KAZN: variants seen among roughly 807,000 people sequenced by gnomAD.
KAZN encodes kazrin, periplakin interacting protein, also known as kazrin.
In KAZN, 40 loss-of-function variants were observed where a neutral mutation model predicts 87.4. The observed-to-expected ratio is 0.46, with a 90% CI of 0.36 to 0.60. The LOEUF (loss-of-function observed/expected upper bound fraction) is 0.60, where lower values mean the gene tolerates loss of function less well. Among genes scored for constraint, KAZN ranks in the 20% least tolerant of loss-of-function variants. KAZN has a pLI of 0.00. For synonymous variants in KAZN, 466 were observed against 458.3 expected (o/e 1.02, Z -0.22); for missense variants, 898 against 1,073.9 (o/e 0.84, Z 2.29).
intron 1 of KAZN, among the ~76,000 whole-genome samples, chr1:14,902,277 G>A (rs1484758077): frequency 2.0e-5 from 3 of 151,446 alleles, no homozygotes; most frequent in African/African-American, 7.3e-5. Context: ...CCAGGCTGGA[G>A]TGCAGTGGCT....
At chr1:14,680,553 C>T (rs1472186568) in intron 1 of KAZN, among the ~76,000 whole-genome samples, 2 of 152,058 alleles carry the variant, frequency 1.3e-5, no homozygotes, top group Non-Finnish European at 2.9e-5. Flanking sequence ...CCCATCAACC[C>T]GTCACCTAGG....
chr1:15,018,122 A>G (rs1670311431), intron 2 of KAZN, among the ~76,000 whole-genome samples: 1 of 151,986 alleles, frequency 6.6e-6, no homozygotes, highest in Non-Finnish European at 1.5e-5. Context: ...GACAAATCCA[A>G]GTCTATCTCA....
chr1:14,612,235 A>C (rs1217897556), intron 1 of KAZN, among the ~76,000 whole-genome samples: 2 of 152,156 alleles, frequency 1.3e-5, no homozygotes, highest in African/African-American at 4.8e-5. Context: ...GAGAGGAGAC[A>C]CTTGCTGCCG....
intron 2 of KAZN, among the ~76,000 whole-genome samples, chr1:14,557,629 G>GTGTGTGTGT (rs1673971745): frequency 1.5e-5 from 2 of 137,880 alleles, no homozygotes; most frequent in Non-Finnish European, 1.6e-5. Context: ...GGTGTGTGTG[G>GTGTGTGTGT]GTGTGTGTGT....
intron 1 of KAZN, among the ~76,000 whole-genome samples, chr1:14,118,403 A>G (rs1644676959): frequency 6.6e-6 from 1 of 152,178 alleles, no homozygotes; most frequent in African/African-American, 2.4e-5. Context: ...TTTGATAGTT[A>G]TTCTCAAGAT....
chr1:14,958,717 C>G (rs575955545), intron 1 of KAZN, among the ~76,000 whole-genome samples: 36 of 152,344 alleles, frequency 2.4e-4, no homozygotes, highest in African/African-American at 8.2e-4. Context: ...AATACACATC[C>G]CCTTTTACCA....
At chr1:14,133,837 C>A (rs7542148) in intron 1 of KAZN, among the ~76,000 whole-genome samples, 87,145 of 151,954 alleles carry the variant, frequency 0.57, 26,285 homozygotes, top group East Asian at 0.76. Flanking sequence ...CAGCCATGTG[C>A]AGACTGAGGA....
At position 14,856,748 on chromosome 1, in the gene KAZN, T is replaced by C. The variant is rs76336188; in HGVS notation, c.227-103936T>C. ...TTATTCTCAAGGACAATGGCCATTATGTCCATTCTTCCAGGATAAAGATGA... is the reference window on the plus strand; with the variant it reads ...TTATTCTCAAGGACAATGGCCATTACGTCCATTCTTCCAGGATAAAGATGA... On this transcript the variant is annotated intron_variant, in intron 1 of 14. Transcript: ENST00000376030. The surrounding 1 kb of genome is among the most constrained non-coding windows in gnomAD (Gnocchi z 5.2). Among the ~76,000 whole-genome samples, 2,225 of 152,328 alleles carry C rather than the reference T, an allele frequency of 0.015. 52 individuals are homozygous for C. Among genetic ancestry groups the C allele is most frequent in the African/African-American group, 0.051 (2,108 of 41,568 alleles).
intron 8 of KAZN, among the ~76,000 whole-genome samples, chr1:15,079,152 G>T (rs946896986): frequency 2.6e-5 from 4 of 152,200 alleles, no homozygotes; most frequent in African/African-American, 9.6e-5. Flanking sequence ...TTCCTGTCCC[G>T]GTGTGCAAAT....
At chr1:14,179,173 C>T (rs1034947135) in intron 1 of KAZN, among the ~76,000 whole-genome samples, 2 of 152,068 alleles carry the variant, frequency 1.3e-5, no homozygotes, top group Non-Finnish European at 2.9e-5. Flanking sequence ...AACCCCTTTG[C>T]AGATCTTTGG....
intron 2 of KAZN, among the ~76,000 whole-genome samples, chr1:14,419,978 C>T (rs930871794): frequency 3.3e-5 from 5 of 152,166 alleles, no homozygotes; most frequent in East Asian, 3.9e-4. Flanking sequence ...ATTGCCACTC[C>T]CGGCTCCGGC....
At position 14,118,871 on chromosome 1, in the gene KAZN, T is replaced by C. The variant is rs965575208; in HGVS notation, c.92-61564T>C. On this transcript the variant is annotated intron_variant, in intron 1 of 16. Coordinates refer to the KAZN transcript ENST00000636203. ...TGCTGACCAAACATCTGAGCTGTAA[T>C]TTGACTCAAAACTGCCAAGGGTTTT... Among the ~76,000 whole-genome samples the C allele has an allele frequency of 9.2e-5, 14 of 152,274 alleles. 2 individuals are homozygous for C. The South Asian group carries it at 2.3e-3, about 25-fold the overall frequency.
At chr1:14,364,391 GATA>G (rs982570665) in intron 2 of KAZN, among the ~76,000 whole-genome samples, 153 of 152,260 alleles carry the variant, frequency 1.0e-3, no homozygotes, top group African/African-American at 3.6e-3. Context: ...GATCGAATGG[GATA>G]ATGTTTGTGA....
At chr1:14,380,661 TAC>T (rs1297031429) in intron 2 of KAZN, among the ~76,000 whole-genome samples, 5 of 151,754 alleles carry the variant, frequency 3.3e-5, no homozygotes, top group Non-Finnish European at 5.9e-5. Context: ...CATTTGAAAA[TAC>T]ACAGTCAGAG....
At chr1:14,457,769 T>A (rs1667642554) in intron 2 of KAZN, among the ~76,000 whole-genome samples, 1 of 152,152 alleles carries the variant, frequency 6.6e-6, no homozygotes, top group South Asian at 2.1e-4. Flanking sequence ...ACAGCGTTTT[T>A]AAATTTTCTT....
intron 1 of KAZN, among the ~76,000 whole-genome samples, chr1:13,973,042 C>T (rs909375552): frequency 2.0e-5 from 3 of 151,972 alleles, no homozygotes; most frequent in Admixed American, 6.6e-5. Flanking sequence ...TCTCATTTTC[C>T]CTCCACCTTT....
intron 1 of KAZN, among the ~76,000 whole-genome samples, chr1:13,931,626 A>C (rs147740476): frequency 3.1e-4 from 47 of 152,210 alleles, no homozygotes; most frequent in African/African-American, 9.9e-4. Context: ...CCAGACTAAT[A>C]AGAGAAGATA....
chr1:13,967,314 G>T (rs1042095720), intron 1 of KAZN, among the ~76,000 whole-genome samples: 14 of 152,124 alleles, frequency 9.2e-5, no homozygotes, highest in Non-Finnish European at 1.6e-4. Context: ...CACCTACCCT[G>T]CAAGGAATGC....
At chr1:14,819,307 T>C (rs77476575) in intron 1 of KAZN, among the ~76,000 whole-genome samples, 3,356 of 152,268 alleles carry the variant, frequency 0.022, 63 homozygotes, top group Non-Finnish European at 0.032. Context: ...TAACTCTCTA[T>C]GATAGTTAAT....
Sources: allele counts gnomAD v4.1 joint callset (sites outside exome capture counted in the v4.1 genomes callset), GRCh38; gene constraint gnomAD v4.1.1; non-coding constraint Gnocchi (gnomAD v3.1); transcripts MANE v1.5; gene names NCBI Gene and HGNC (gene_info 2026-07-23, HGNC 2026-07-21).